YAE1: variants seen among roughly 807,000 people sequenced by gnomAD.
YAE1 encodes protein YAE1 homolog.
In YAE1, 22 loss-of-function variants were observed where a neutral mutation model predicts 23.0. The observed-to-expected ratio is 0.96, with a 90% confidence interval of 0.68 to 1.37. The LOEUF (loss-of-function observed/expected upper bound fraction) is 1.37, where lower values mean the gene tolerates loss of function less well. Among genes scored for constraint, YAE1 ranks in the 40% most tolerant of loss-of-function variants. YAE1 has a pLI of 0.00. For synonymous variants in YAE1, 101 were observed against 97.0 expected, an observed-to-expected ratio of 1.04 and a Z score of -0.24; for missense variants, 260 against 262.1, an observed-to-expected ratio of 0.99 and a Z score of 0.06.
At chr7:39,574,355 T>C, downstream of YAE1, among the ~76,000 whole-genome samples, 1 of 152,096 alleles carries the variant, frequency 6.6e-6, no homozygotes, top group Admixed American at 6.5e-5. Flanking sequence ...CTCAACACTT[T>C]GGGAGGTGAA....
chr7:39,583,719 T>C (rs1345369622), intron 2 of YAE1, among the ~76,000 whole-genome samples: 1 of 152,250 alleles, frequency 6.6e-6, no homozygotes, highest in East Asian at 1.9e-4. Context: ...AAAATGGAGG[T>C]AATGGTAGTG....
At chr7:39,569,373 C>T (rs887202172) in intron 1 of YAE1, 2 of 396,398 alleles carry the variant, frequency 5.0e-6, no homozygotes, top group African/African-American at 2.1e-5. Context: ...GATAACTATA[C>T]AATTTATCTG....
intron 2 of YAE1, among the ~76,000 whole-genome samples, chr7:39,596,503 C>T (rs1790976475): frequency 6.6e-6 from 1 of 152,152 alleles, no homozygotes; most frequent in Non-Finnish European, 1.5e-5. Context: ...TCCCAAAGTG[C>T]TAGGATTACA....
At chr7:39,586,802 CTA>C (rs1400975005) in intron 2 of YAE1, among the ~76,000 whole-genome samples, 9 of 152,294 alleles carry the variant, frequency 5.9e-5, no homozygotes, top group African/African-American at 2.2e-4. Flanking sequence ...CGGCCGATAA[CTA>C]TGATTTCTTG....
intron 1 of YAE1, chr7:39,567,108 A>G (rs1583666166): frequency 6.6e-6 from 1 of 152,498 alleles, no homozygotes; most frequent in East Asian, 1.9e-4. Flanking sequence ...CTCACTATTC[A>G]TTGAAACTAA....
At chr7:39,596,183 G>C (rs1168521832) in intron 2 of YAE1, among the ~76,000 whole-genome samples, 1 of 150,988 alleles carries the variant, frequency 6.6e-6, no homozygotes, top group African/African-American at 2.5e-5. Flanking sequence ...TTGGCAATCT[G>C]TAAGTCACTT....
At chr7:39,583,171 T>C (rs12535994) in intron 2 of YAE1, among the ~76,000 whole-genome samples, 12,558 of 152,282 alleles carry the variant, frequency 0.082, 703 homozygotes, top group East Asian at 0.18. Context: ...CATTAAAAGT[T>C]ATCATTATGA....
intron 2 of YAE1, among the ~76,000 whole-genome samples, chr7:39,608,604 A>T (rs1791162700): frequency 6.6e-6 from 1 of 152,226 alleles, no homozygotes; most frequent in African/African-American, 2.4e-5. Flanking sequence ...AGGGACTCTG[A>T]TTTCTTCCAA....
intron 2 of YAE1, 100 bp downstream of exon 2, chr7:39,570,727 T>C: frequency 1.4e-6 from 2 of 1,418,046 alleles, no homozygotes; most frequent in Non-Finnish European, 1.9e-6. Flanking sequence ...CTTTTCCTGG[T>C]GCTAAATACA....
chr7:39,588,533 A>G (rs188517846), intron 2 of YAE1, among the ~76,000 whole-genome samples: 26 of 151,746 alleles, frequency 1.7e-4, no homozygotes, highest in Non-Finnish European at 2.8e-4. Context: ...AACAAGAAGG[A>G]AAAAATGGGA....
chr7:39,570,613 C>T lies in YAE1; in HGVS notation c.237C>T (p.Leu79=), dbSNP rs1366788432. Residue 79 remains leucine (L), a synonymous_variant, in exon 2 of 3, where the codon CTC becomes CTT. Transcript: ENST00000223273. Reference sequence around the variant, plus strand: ...AAGTCATTTTAAACTATGGACGACTCCGAGGAACATTGAGGTAATTTTTAA... The same window carrying T: ...AAGTCATTTTAAACTATGGACGACTTCGAGGAACATTGAGGTAATTTTTAA... ...GAEVILNYGR[L]RGTLSALLSW... is the part of the protein sequence containing the mutation. The T allele has an allele frequency of 6.3e-7, 1 of 1,596,420 alleles. No homozygotes were observed.
At chr7:39,610,160 G>C (rs924177068) in exon 3 of YAE1, 84 of 783,024 alleles carry the variant, frequency 1.1e-4, no homozygotes, top group Non-Finnish European at 1.6e-4. Context: ...AGAAGATTTG[G>C]GAGGAGTATG....
intron 2 of YAE1, among the ~76,000 whole-genome samples, chr7:39,582,733 C>A (rs555196835): frequency 2.5e-4 from 38 of 152,298 alleles, no homozygotes; most frequent in South Asian, 6.2e-4. Flanking sequence ...TCATCAGAGA[C>A]CTTGCCTCTT....
At chr7:39,566,712 A>G in intron 1 of YAE1, 165 bp downstream of exon 1, 1 of 989,470 alleles carries the variant, frequency 1.0e-6, no homozygotes, top group Non-Finnish European at 1.4e-6. Context: ...TGGTTACTTG[A>G]AAGCGTGTAA....
downstream of YAE1, chr7:39,572,923 G>A (rs1362629720): frequency 8.8e-7 from 1 of 1,136,146 alleles, no homozygotes; most frequent in African/African-American, 1.6e-5. Flanking sequence ...TTAAGATATG[G>A]TCAGAAATTT....
chr7:39,604,993 A>G (rs1791108192), intron 2 of YAE1, among the ~76,000 whole-genome samples: 1 of 152,272 alleles, frequency 6.6e-6, no homozygotes, highest in Non-Finnish European at 1.5e-5. Flanking sequence ...GGTTAGAAGA[A>G]GAACAAATGT....
At chr7:39,580,155 G>A (rs1231763027) in intron 2 of YAE1, among the ~76,000 whole-genome samples, 1 of 152,242 alleles carries the variant, frequency 6.6e-6, no homozygotes, top group Non-Finnish European at 1.5e-5. Context: ...CTCGAGGGGA[G>A]AATATTATGT....
chr7:39,570,896 T>G (rs1324736730), intron 2 of YAE1: 1 of 333,282 alleles, frequency 3.0e-6, no homozygotes, highest in Non-Finnish European at 5.4e-6. Context: ...TCTATCTCAT[T>G]GAAAGGTCTT....
At chr7:39,592,149 T>C (rs1790909159) in intron 2 of YAE1, among the ~76,000 whole-genome samples, 1 of 152,242 alleles carries the variant, frequency 6.6e-6, no homozygotes. Context: ...AACATCTTTG[T>C]GCATGTTTTT....
Sources: gnomAD v4.1 joint callset for allele counts (sites outside exome capture counted in the v4.1 genomes callset) on GRCh38, gnomAD v4.1.1 for gene constraint, MANE v1.5 for transcripts, NCBI Gene and HGNC (gene_info 2026-07-23, HGNC 2026-07-21) for gene names.